SDSL: variants seen among roughly 807,000 people sequenced by gnomAD.
The protein encoded by SDSL is serine dehydratase-like.
A neutral mutation model predicts 27.6 loss-of-function variants in SDSL; 26 were observed. That is an observed-to-expected ratio of 0.94 (90% confidence interval 0.69 to 1.31). The LOEUF is 1.31. SDSL is among the 50% of genes most tolerant of loss of function. The pLI is 0.00. For synonymous variants in SDSL, 196 were observed against 180.6 expected (o/e 1.09, Z -0.69); for missense variants, 431 against 423.5 (o/e 1.02, Z -0.16).
At chr12:113,430,759 T>C (rs1957912243) in intron 4 of SDSL, among the ~76,000 whole-genome samples, 1 of 151,846 alleles carries the variant, frequency 6.6e-6, no homozygotes. Context: ...ATGGCAAAAA[T>C]AAAATAAATA....
intron 1 of SDSL, among the ~76,000 whole-genome samples, chr12:113,423,320 A>T (rs1185361878): frequency 6.6e-6 from 1 of 152,244 alleles, no homozygotes; most frequent in East Asian, 1.9e-4. Flanking sequence ...AATAGCACAG[A>T]TGCCAAAGAC....
intron 4 of SDSL, among the ~76,000 whole-genome samples, chr12:113,432,777 G>T (rs1957950898): frequency 6.6e-6 from 1 of 152,190 alleles, no homozygotes; most frequent in South Asian, 2.1e-4. Flanking sequence ...TGCAGTATTT[G>T]GTTTTCTGTT....
chr12:113,431,980 C>T lies in SDSL; in HGVS notation c.355-2154C>T, dbSNP rs1957928162. On this transcript the variant is annotated intron_variant, in intron 4 of 7. Transcript: ENST00000403593. Reference sequence around the variant, plus strand: ...CCATGTTAGCCAGGATGGTCTCGAACTCCTGACCTCGTGATCCACCTGACT... The same window carrying T: ...CCATGTTAGCCAGGATGGTCTCGAATTCCTGACCTCGTGATCCACCTGACT... Among the ~76,000 whole-genome samples the T allele has an allele frequency of 3.3e-5, 5 of 150,466 alleles. No homozygotes were observed. The South Asian group carries it at 8.4e-4, about 25-fold the overall frequency.
chr12:113,433,783 T>A (rs1232543493), intron 4 of SDSL, among the ~76,000 whole-genome samples: 1 of 152,196 alleles, frequency 6.6e-6, no homozygotes, highest in Non-Finnish European at 1.5e-5. Context: ...ATCTGGTGTT[T>A]GACTTTAGGG....
At chr12:113,424,387 G>A (rs894150107) in intron 1 of SDSL, among the ~76,000 whole-genome samples, 3 of 152,114 alleles carry the variant, frequency 2.0e-5, no homozygotes, top group Admixed American at 6.6e-5. Flanking sequence ...CCCAAAGTAG[G>A]TCCCCTTGTT....
chr12:113,428,482 C>A (rs1182612739), intron 3 of SDSL, 23 bp downstream of exon 3: 2 of 1,606,992 alleles, frequency 1.2e-6, no homozygotes, highest in Non-Finnish European at 1.7e-6. Flanking sequence ...TTTTTTGTTT[C>A]ATGGGCAGAG....
intron 4 of SDSL, among the ~76,000 whole-genome samples, chr12:113,432,273 T>TC (rs1565879204): frequency 1.2e-4 from 16 of 133,768 alleles, no homozygotes; most frequent in African/African-American, 3.8e-4. Flanking sequence ...TCTTTCTTTC[T>TC]TTCTTTCTTT....
At chr12:113,430,593 A>G (rs1260792656) in intron 4 of SDSL, among the ~76,000 whole-genome samples, 3 of 152,146 alleles carry the variant, frequency 2.0e-5, no homozygotes, top group African/African-American at 7.2e-5. Context: ...GGGTGAGAAG[A>G]AACGCATGAC....
chr12:113,428,268 A>G, intron 2 of SDSL, 112 bp downstream of exon 2: 1 of 1,316,544 alleles, frequency 7.6e-7, no homozygotes, highest in South Asian at 1.4e-5. Flanking sequence ...GAACTCGTGC[A>G]GATGGGAGGG....
In SDSL at chr12:113,425,973, C is replaced by T. The variant is rs1434830979; in HGVS notation, c.-21-1989C>T. Among the ~76,000 whole-genome samples, 5 of 152,076 alleles carry T rather than the reference C, an allele frequency of 3.3e-5. No individual in the cohort carries two copies. The South Asian group carries it at 6.2e-4, about 19-fold the overall frequency. The stretch of plus-strand genomic sequence containing the variant: ...CACTGCACTCCAGCCTGGGCAAGAG[C>T]GAGACTCCCTTTCAAAACACCACGA... On this transcript the variant is annotated intron_variant, in intron 1 of 7. Transcript: ENST00000403593.
At chr12:113,430,194 G>A (rs1214990278) in intron 4 of SDSL, among the ~76,000 whole-genome samples, 1 of 152,026 alleles carries the variant, frequency 6.6e-6, no homozygotes, top group African/African-American at 2.4e-5. Flanking sequence ...TACCTGCTAT[G>A]TTAGACATTC....
rs1261715509 is a variant in SDSL at position 113,429,170 on chromosome 12, G to A, written c.225G>A (p.Ala75=). ...RHLVCSSGGN[A]GIAAAYAARK... ...CTCCTTTCTGCACAGGGGGTAATGC[G>A]GGCATCGCTGCTGCCTATGCTGCTA... Residue 75 remains alanine (A), a synonymous_variant, in exon 4 of 8, where the codon GCG becomes GCA. Transcript: ENST00000403593. 9 of 1,613,116 alleles carry A rather than the reference G, an allele frequency of 5.6e-6. No homozygotes were observed. Among genetic ancestry groups the A allele is most frequent in the East Asian group, 2.2e-5 (1 of 44,864 alleles).
At chr12:113,426,196 G>T (rs149346163) in intron 1 of SDSL, 2 of 455,528 alleles carry the variant, frequency 4.4e-6, no homozygotes, top group Non-Finnish European at 8.8e-6. Context: ...ACCCCAAAGT[G>T]CATTTCTCCC....
rs770711798 is a variant in SDSL at position 113,436,845 on chromosome 12, G to C, written c.766G>C (p.Glu256Gln). The C allele has an allele frequency of 3.7e-6, 6 of 1,610,920 alleles. No individual in the cohort carries two copies. Among genetic ancestry groups the C allele is most frequent in the Non-Finnish European group, 5.1e-6 (6 of 1,179,288 alleles). Residue 256 changes from glutamate (E) to glutamine (Q), a missense_variant, in exon 7 of 8, where the codon GAG becomes CAG. Coordinates refer to ENST00000403593, the MANE Select transcript of SDSL (RefSeq NM_001304993.2). ...KIHSEVVEDT[E>Q]AVSAVQQLLD... ...TCACTCTGAAGTGGTGGAGGACACCGAGGCTGTGAGCGCTGTGCAGCAGCT... is the reference window on the plus strand; with the variant it reads ...TCACTCTGAAGTGGTGGAGGACACCCAGGCTGTGAGCGCTGTGCAGCAGCT...
chr12:113,427,973 G>T lies in SDSL; in HGVS notation c.-10G>T. The T allele has an allele frequency of 6.2e-7, 1 of 1,606,892 alleles. No homozygotes were observed. The highest frequency in any genetic ancestry group is 8.5e-7 in the Non-Finnish European group (1 of 1,176,694). On this transcript the variant is annotated 5_prime_UTR_variant, in exon 2 of 8. Coordinates refer to ENST00000403593, the MANE Select transcript of SDSL (RefSeq NM_001304993.2). ...GTGTCCTCCTGCAGGCTGTCTACCT[G>T]GTCTCCAGAATGGACGGCCCTGTGG...
chr12:113,436,666 G>A (rs1211815457), intron 6 of SDSL, 85 bp from the exon 7 acceptor site: 8 of 1,356,030 alleles, frequency 5.9e-6, no homozygotes, highest in East Asian at 2.7e-5. Flanking sequence ...GATGGGAGGG[G>A]GTGGCTGGGG....
chr12:113,432,033 G>T (rs979598916), intron 4 of SDSL, among the ~76,000 whole-genome samples: 1 of 151,568 alleles, frequency 6.6e-6, no homozygotes, highest in African/African-American at 2.4e-5. Flanking sequence ...GGGATTACAG[G>T]CGTAAACTGC....
At chr12:113,428,812 A>G (rs1231526461) in intron 3 of SDSL, among the ~76,000 whole-genome samples, 2 of 151,912 alleles carry the variant, frequency 1.3e-5, no homozygotes, top group Admixed American at 6.6e-5. Context: ...GGTGGGCCTC[A>G]TGGTAGCAAG....
intron 4 of SDSL, among the ~76,000 whole-genome samples, chr12:113,433,470 C>G (rs189895105): frequency 3.3e-4 from 50 of 152,248 alleles, no homozygotes; most frequent in African/African-American, 1.2e-3. Flanking sequence ...GAAATGAGGA[C>G]TGGGGTGCAT....
Sources: gnomAD v4.1 joint callset for allele counts (sites outside exome capture counted in the v4.1 genomes callset) on GRCh38, gnomAD v4.1.1 for gene constraint, MANE v1.5 for transcripts, NCBI Gene and HGNC (gene_info 2026-07-23, HGNC 2026-07-21) for gene names.